PARD3B: variants seen among roughly 807,000 people sequenced by gnomAD.
PARD3B encodes par-3 family cell polarity regulator beta.
In PARD3B, 103 loss-of-function variants were observed where a neutral mutation model predicts 130.2. The ratio of observed to expected loss-of-function variants is 0.79; its 90% confidence interval spans 0.67 to 0.93. The LOEUF (loss-of-function observed/expected upper bound fraction) is 0.93, where lower values mean the gene tolerates loss of function less well. Among genes scored for constraint, PARD3B ranks in the 40% least tolerant of loss-of-function variants. The pLI is 0.00. For missense variants in PARD3B, 1,609 were observed against 1,499.2 expected, an observed-to-expected ratio of 1.07 and a Z score of -1.21; for synonymous variants, 583 against 553.2, an observed-to-expected ratio of 1.05 and a Z score of -0.76.
At chr2:205,087,253 T>G (rs1343743511) in intron 4 of PARD3B, among the ~76,000 whole-genome samples, 3 of 152,336 alleles carry the variant, frequency 2.0e-5, no homozygotes, top group African/African-American at 7.2e-5. Flanking sequence ...AGTTTTTGCT[T>G]TAAACAAAAC....
chr2:204,889,497 A>T (rs2046374518), intron 2 of PARD3B, among the ~76,000 whole-genome samples: 1 of 152,230 alleles, frequency 6.6e-6, no homozygotes, highest in African/African-American at 2.4e-5. Context: ...CAACAACAAC[A>T]GAACAATAAA....
intron 1 of PARD3B, among the ~76,000 whole-genome samples, chr2:204,572,459 A>G (rs2032053974): frequency 6.6e-6 from 1 of 152,214 alleles, no homozygotes; most frequent in African/African-American, 2.4e-5. Context: ...TAGCTCCCTC[A>G]ACCTTTGTTC....
At chr2:204,841,559 T>C (rs1421136279) in intron 2 of PARD3B, among the ~76,000 whole-genome samples, 2 of 152,286 alleles carry the variant, frequency 1.3e-5, no homozygotes, top group East Asian at 3.9e-4. Context: ...TTTAATATAC[T>C]GCTGTTTAAT....
chr2:205,507,305 C>A (rs1389519616), intron 21 of PARD3B, among the ~76,000 whole-genome samples: 1 of 148,262 alleles, frequency 6.7e-6, no homozygotes, highest in East Asian at 2.0e-4. Flanking sequence ...AGCTCCACCT[C>A]CGGGGTTCAC....
chr2:205,492,672 A>G (rs1480655536), intron 20 of PARD3B, among the ~76,000 whole-genome samples: 2 of 152,158 alleles, frequency 1.3e-5, no homozygotes, highest in Admixed American at 1.3e-4. Flanking sequence ...GAGATGCTTT[A>G]TAAGAAATGG....
chr2:204,602,013 A>G (rs1025334492), intron 1 of PARD3B, among the ~76,000 whole-genome samples: 4 of 152,010 alleles, frequency 2.6e-5, no homozygotes, highest in Admixed American at 2.0e-4. Context: ...AAAACCAGAG[A>G]TCATTGACTT....
intron 3 of PARD3B, among the ~76,000 whole-genome samples, chr2:205,012,481 A>T (rs1368945): frequency 0.9 from 136,797 of 152,208 alleles, 61,518 homozygotes; most frequent in East Asian, 0.99. Flanking sequence ...AGAATGGATT[A>T]TGCTTTCCAT....
intron 22 of PARD3B, among the ~76,000 whole-genome samples, chr2:205,559,649 A>T (rs2053054901): frequency 7.6e-6 from 1 of 131,912 alleles, no homozygotes; most frequent in South Asian, 2.4e-4. Context: ...CCCAGGCTGG[A>T]GTGCAGTGGT....
chr2:204,942,359 A>G (rs562236898), intron 2 of PARD3B, among the ~76,000 whole-genome samples: 2 of 152,290 alleles, frequency 1.3e-5, no homozygotes, highest in South Asian at 4.1e-4. Flanking sequence ...CTGAGAACCA[A>G]TATTTCAAAA....
intron 2 of PARD3B, among the ~76,000 whole-genome samples, chr2:204,905,784 A>G (rs2047022281): frequency 6.6e-6 from 1 of 152,194 alleles, no homozygotes; most frequent in Non-Finnish European, 1.5e-5. Context: ...AATGTGCTCA[A>G]GAGGAATGAA....
At chr2:205,106,523 G>A (rs1371444521) in intron 5 of PARD3B, among the ~76,000 whole-genome samples, 700 of 61,384 alleles carry the variant, frequency 0.011, 12 homozygotes, top group African/African-American at 0.032. Flanking sequence ...GTGTGTGTGT[G>A]TGTGTGTATA....
At chr2:205,522,371 G>A (rs1323409891) in intron 21 of PARD3B, among the ~76,000 whole-genome samples, 601 of 151,410 alleles carry the variant, frequency 4.0e-3, no homozygotes, top group African/African-American at 0.014. Flanking sequence ...CAAGGAATTA[G>A]GTTTTTTATT....
intron 20 of PARD3B, among the ~76,000 whole-genome samples, chr2:205,468,105 A>G (rs1041897785): frequency 3.3e-5 from 5 of 152,208 alleles, no homozygotes; most frequent in Non-Finnish European, 7.3e-5. Context: ...AGGAAGGCAA[A>G]AACAATGATC....
At chr2:204,710,805 T>C (rs898092700) in intron 2 of PARD3B, among the ~76,000 whole-genome samples, 4 of 152,180 alleles carry the variant, frequency 2.6e-5, no homozygotes, top group Non-Finnish European at 5.9e-5. Flanking sequence ...TACTGTTATG[T>C]AGTTTTTGTC....
chr2:205,323,309 C>T (rs1405820170), intron 18 of PARD3B, among the ~76,000 whole-genome samples: 1 of 152,096 alleles, frequency 6.6e-6, no homozygotes, highest in Non-Finnish European at 1.5e-5. Flanking sequence ...TAACTGTATG[C>T]TATCAGGGTT....
intron 3 of PARD3B, among the ~76,000 whole-genome samples, chr2:204,970,853 T>A (rs926138256): frequency 2.0e-5 from 3 of 152,216 alleles, no homozygotes; most frequent in Non-Finnish European, 2.9e-5. Flanking sequence ...CTCTTGTGTG[T>A]TAAACTTTGA....
chr2:204,897,758 A>C (rs2046692822), intron 2 of PARD3B, among the ~76,000 whole-genome samples: 1 of 152,162 alleles, frequency 6.6e-6, no homozygotes, highest in South Asian at 2.1e-4. Flanking sequence ...GAAACAAGCC[A>C]CAAAGCAAGC....
chr2:204,983,210 A>G (rs576928338), intron 3 of PARD3B, among the ~76,000 whole-genome samples: 12 of 152,302 alleles, frequency 7.9e-5, no homozygotes, highest in African/African-American at 2.6e-4. Flanking sequence ...GATAATTTGC[A>G]GACATTATGT....
intron 18 of PARD3B, among the ~76,000 whole-genome samples, chr2:205,316,182 A>G (rs527568912): frequency 6.6e-6 from 1 of 152,296 alleles, no homozygotes; most frequent in Non-Finnish European, 1.5e-5. Context: ...AAGTGGTTCA[A>G]AAATAAGAAA....
Sources: gnomAD v4.1 joint callset for allele counts (sites outside exome capture counted in the v4.1 genomes callset) on GRCh38, gnomAD v4.1.1 for gene constraint, MANE v1.5 for transcripts, NCBI Gene and HGNC (gene_info 2026-07-23, HGNC 2026-07-21) for gene names.